ZBTB40: variants seen among roughly 807,000 people sequenced by gnomAD.
The protein encoded by ZBTB40 is zinc finger and BTB domain-containing protein 40.
A neutral mutation model predicts 117.5 loss-of-function variants in ZBTB40; 60 were observed. That is an observed-to-expected ratio of 0.51 (90% confidence interval 0.41 to 0.63). The LOEUF (loss-of-function observed/expected upper bound fraction) is 0.63, where lower values mean the gene tolerates loss of function less well. Ranked by LOEUF, ZBTB40 falls within the 30% of genes least tolerant of loss-of-function variation. ZBTB40 has a pLI of 0.00. For synonymous variants in ZBTB40, 525 were observed against 577.1 expected, an observed-to-expected ratio of 0.91 and a Z score of 1.29; for missense variants, 1,287 against 1,498.5, an observed-to-expected ratio of 0.86 and a Z score of 2.33.
chr1:22,486,610 GT>G (rs1454024554), intron 1 of ZBTB40, among the ~76,000 whole-genome samples: 2 of 152,178 alleles, frequency 1.3e-5, no homozygotes, highest in Non-Finnish European at 2.9e-5. Flanking sequence ...CCCCCCCAGA[GT>G]TTTTAACTCT....
chr1:22,445,005 A>G (rs1341622274), intron 1 of ZBTB40, among the ~76,000 whole-genome samples: 1 of 152,178 alleles, frequency 6.6e-6, no homozygotes, highest in African/African-American at 2.4e-5. Context: ...ACCCATACAG[A>G]TTCACAGCTG....
chr1:22,525,247 C>G (rs1278496626), intron 17 of ZBTB40, among the ~76,000 whole-genome samples: 1 of 152,134 alleles, frequency 6.6e-6, no homozygotes, highest in Non-Finnish European at 1.5e-5. Flanking sequence ...ATAATATGTC[C>G]TTTGGGGAAA....
intron 1 of ZBTB40, among the ~76,000 whole-genome samples, chr1:22,465,799 G>A (rs1027412618): frequency 1.3e-5 from 2 of 152,106 alleles, no homozygotes; most frequent in Non-Finnish European, 2.9e-5. Context: ...GCTTCTGCCT[G>A]CTTCTGGCTC....
intron 1 of ZBTB40, among the ~76,000 whole-genome samples, chr1:22,481,774 T>C (rs532523763): frequency 1.5e-5 from 2 of 133,012 alleles, no homozygotes; most frequent in South Asian, 2.4e-4. Context: ...GTAAGACTTA[T>C]GTCTTGTTTT....
At chr1:22,472,993 A>T (rs1374196717) in intron 1 of ZBTB40, among the ~76,000 whole-genome samples, 4 of 152,216 alleles carry the variant, frequency 2.6e-5, no homozygotes, top group Admixed American at 2.6e-4. Context: ...GATACTTTGG[A>T]CATTGTTTTT....
At chr1:22,459,053 A>C (rs975433456) in intron 1 of ZBTB40, among the ~76,000 whole-genome samples, 1 of 152,250 alleles carries the variant, frequency 6.6e-6, no homozygotes, top group Non-Finnish European at 1.5e-5. Context: ...GGTAAGAAAT[A>C]ATATTTCAGT....
chr1:22,477,202 G>A (rs974226763), intron 1 of ZBTB40, among the ~76,000 whole-genome samples: 15 of 152,142 alleles, frequency 9.9e-5, no homozygotes, highest in African/African-American at 3.4e-4. Flanking sequence ...TAGTTTAATT[G>A]TTTATTTACA....
chr1:22,450,990 G>T (rs546056400), upstream of ZBTB40, among the ~76,000 whole-genome samples: 27 of 152,360 alleles, frequency 1.8e-4, 1 homozygote, highest in South Asian at 5.6e-3. Flanking sequence ...GTTTGTTACT[G>T]CTGGATCTGA....
chr1:22,501,585 G>C lies in ZBTB40; in HGVS notation c.925G>C (p.Val309Leu). 4 of 1,614,166 alleles carry C rather than the reference G, an allele frequency of 2.5e-6. No individual in the cohort carries two copies. The highest frequency in any genetic ancestry group is 3.4e-6 in the Non-Finnish European group (4 of 1,180,022). Reference sequence around the variant, plus strand: ...AGAGGAAAGCCTGGATGTTCAAACTGTTGTGTCCCTGTTGAGGCTGTACCA... The same window carrying C: ...AGAGGAAAGCCTGGATGTTCAAACTCTTGTGTCCCTGTTGAGGCTGTACCA... ...VREESLDVQTVVSLLRLYQYS... is the reference protein window; with the variant it reads ...VREESLDVQTLVSLLRLYQYS... Residue 309 changes from valine (V) to leucine (L), a missense_variant, in exon 4 of 18, where the codon GTT becomes CTT. By Grantham distance (32) the Val-to-Leu change is conservative. Coordinates refer to ENST00000375647, the MANE Select transcript of ZBTB40 (RefSeq NM_014870.4).
intron 3 of ZBTB40, among the ~76,000 whole-genome samples, chr1:22,496,958 C>T (rs1252486411): frequency 6.6e-6 from 1 of 152,344 alleles, no homozygotes; most frequent in Non-Finnish European, 1.5e-5. Context: ...GCAGTGCAGC[C>T]TTCAGTCTTT....
rs1483268823 is a variant in ZBTB40, at chr1:22,530,099, A to T, written c.*3703A>T. The T allele has an allele frequency of 6.6e-6, 1 of 152,184 alleles. No individual in the cohort carries two copies. The highest frequency in any genetic ancestry group is 2.4e-5 in the African/African-American group (1 of 41,366). The allele number at this position is 152,184 out of a possible 1,614,324, so 9.4% of individuals were successfully genotyped here. ...TGACCAAAGGAGGGAGGGAAGTGCT[A>T]ACCATGTATAGAGTGGGCAGGCGGT... On this transcript the variant is annotated 3_prime_UTR_variant, in exon 18 of 18. Coordinates refer to ENST00000375647, the MANE Select transcript of ZBTB40 (RefSeq NM_014870.4).
In ZBTB40 at chr1:22,501,333, C is replaced by G. The variant is rs576650132; in HGVS notation, c.832-159C>G. ...GGGGCAGGAGCATGGGACCGCAGGG[C>G]TTGTTGGAACTGCTGCTGGGGAAGA... On this transcript the variant is annotated intron_variant, in intron 3 of 17. Coordinates refer to ENST00000375647, the MANE Select transcript of ZBTB40 (RefSeq NM_014870.4). Among the ~76,000 whole-genome samples the G allele has an allele frequency of 4.5e-4, 68 of 152,284 alleles. 1 individual carries two copies. The highest frequency in any genetic ancestry group is 3.4e-3 in the Middle Eastern group (1 of 294).
At chr1:22,444,529 G>A (rs1269941512) in intron 1 of ZBTB40, among the ~76,000 whole-genome samples, 1 of 152,198 alleles carries the variant, frequency 6.6e-6, no homozygotes, top group Admixed American at 6.5e-5. Flanking sequence ...TCAGGAGTTG[G>A]GCGAGTGGGT....
rs1203901157 is a variant in ZBTB40, at chr1:22,530,723, ATGTTATAG to A, written c.*4328_*4335del. The A allele has an allele frequency of 6.6e-6, 1 of 152,320 alleles. No homozygotes were observed. Among genetic ancestry groups the A allele is most frequent in the East Asian group, 1.9e-4 (1 of 5,310 alleles). 9.4% of individuals were successfully genotyped at this position (152,320 alleles called of 1,614,324 possible). On this transcript the variant is annotated 3_prime_UTR_variant, in exon 18 of 18. Transcript: ENST00000375647. Reference sequence around the variant, plus strand: ...CTACATGAGTTTCAAATGGACTGTGATGTTATAGACCTGCTTTCTCTTTGGTTCTGGGC... The same window carrying A: ...CTACATGAGTTTCAAATGGACTGTGAACCTGCTTTCTCTTTGGTTCTGGGC...
intron 13 of ZBTB40, 33 bp from the exon 14 acceptor site, chr1:22,520,028 C>T (rs1639477435): frequency 6.2e-7 from 1 of 1,602,068 alleles, no homozygotes; most frequent in South Asian, 1.1e-5. Flanking sequence ...TTCCTCTCCA[C>T]CTCTTCCTCT....
intron 1 of ZBTB40, among the ~76,000 whole-genome samples, 163 bp from the exon 2 acceptor site, chr1:22,489,717 T>C (rs1487104741): frequency 6.6e-6 from 1 of 152,244 alleles, no homozygotes; most frequent in Non-Finnish European, 1.5e-5. Flanking sequence ...ATAATGATAA[T>C]GATCATTACT....
At chr1:22,450,133 G>A (rs1640841265), upstream of ZBTB40, among the ~76,000 whole-genome samples, 1 of 151,850 alleles carries the variant, frequency 6.6e-6, no homozygotes, top group South Asian at 2.1e-4. Flanking sequence ...TAGTAGAGAC[G>A]GGGGTTTCAC....
At chr1:22,467,922 T>C (rs2124399313) in intron 1 of ZBTB40, among the ~76,000 whole-genome samples, 1 of 151,804 alleles carries the variant, frequency 6.6e-6, no homozygotes, top group East Asian at 1.9e-4. Flanking sequence ...AGGGAGACCC[T>C]GTCTACAAAT....
At chr1:22,474,707 G>A (rs572852151) in intron 1 of ZBTB40, among the ~76,000 whole-genome samples, 1 of 152,306 alleles carries the variant, frequency 6.6e-6, no homozygotes, top group South Asian at 2.1e-4. Context: ...GGATCAGAGA[G>A]CATCTCAGCC....
Sources: gnomAD v4.1 joint callset for allele counts (sites outside exome capture counted in the v4.1 genomes callset) on GRCh38, gnomAD v4.1.1 for gene constraint, MANE v1.5 for transcripts, NCBI Gene and HGNC (gene_info 2026-07-23, HGNC 2026-07-21) for gene names.